The following GABBR2 variants were observed in gnomAD, a reference collection of about 807,000 sequenced individuals.
GABBR2 encodes the protein gamma-aminobutyric acid type B receptor subunit 2.
In GABBR2, 23 loss-of-function variants were observed where a neutral mutation model predicts 105.6. The ratio of observed to expected loss-of-function variants is 0.22; its 90% CI spans 0.16 to 0.31. The LOEUF (loss-of-function observed/expected upper bound fraction) is 0.31, where lower values mean the gene tolerates loss of function less well. GABBR2 is among the 10% of genes least tolerant of loss of function. GABBR2 has a pLI of 1.00. For missense variants in GABBR2, 734 were observed against 1,245.5 expected, an observed-to-expected ratio of 0.59 and a Z score of 6.18; for synonymous variants, 478 against 499.7, an observed-to-expected ratio of 0.96 and a Z score of 0.58.
chr9:98,610,416 A>AGC (rs1829489339), intron 1 of GABBR2, among the ~76,000 whole-genome samples: 2 of 152,214 alleles, frequency 1.3e-5, no homozygotes, highest in African/African-American at 4.8e-5. Context: ...GCCTGCAAAA[A>AGC]TATGCATCCA....
chr9:98,574,884 G>A (rs925762005), intron 2 of GABBR2, among the ~76,000 whole-genome samples: 4 of 152,152 alleles, frequency 2.6e-5, no homozygotes, highest in Non-Finnish European at 5.9e-5. Context: ...GGATTTCCCT[G>A]GGACCTCAGC....
At chr9:98,671,733 G>T (rs776323433) in intron 1 of GABBR2, among the ~76,000 whole-genome samples, 2 of 152,176 alleles carry the variant, frequency 1.3e-5, no homozygotes, top group Non-Finnish European at 2.9e-5. Context: ...GCATTTGCCT[G>T]ATCAAGGAAG....
intron 8 of GABBR2, among the ~76,000 whole-genome samples, chr9:98,401,004 G>A (rs974869238): frequency 2.6e-5 from 4 of 152,036 alleles, no homozygotes; most frequent in Non-Finnish European, 4.4e-5. Context: ...AAAGAAGCGC[G>A]ACTGCACTTT....
chr9:98,306,026 A>C lies in GABBR2; in HGVS notation c.2229+95T>G. 1.3e-6 allele frequency: 1 copy of C among 773,818 alleles called. No individual in the cohort carries two copies. 47.9% of individuals were successfully genotyped at this position (773,818 alleles called of 1,614,324 possible). Reference sequence around the variant, plus strand: ...TGTCTTCATCATAAAAAAAAAAAGGAATGGGTAAACCTTTTAGAGAATGGA... The same window carrying C: ...TGTCTTCATCATAAAAAAAAAAAGGCATGGGTAAACCTTTTAGAGAATGGA... On this transcript the variant is annotated intron_variant, in intron 15 of 18. Transcript: ENST00000259455. The surrounding 1 kb of genome is among the most constrained non-coding windows in gnomAD (Gnocchi z 5.4).
intron 18 of GABBR2, 53 bp from the exon 19 acceptor site, chr9:98,290,802 A>G (rs1387240615): frequency 1.3e-4 from 167 of 1,325,558 alleles, no homozygotes; most frequent in Non-Finnish European, 1.6e-4. Context: ...GGCGCTTACC[A>G]GAAAGTTCCT....
chr9:98,697,700 C>T (rs1830774820), intron 1 of GABBR2, among the ~76,000 whole-genome samples: 1 of 152,198 alleles, frequency 6.6e-6, no homozygotes, highest in Admixed American at 6.5e-5. Flanking sequence ...CATTTAGAAG[C>T]TCTCCAAGGG....
At chr9:98,415,231 C>T (rs775879321) in intron 7 of GABBR2, among the ~76,000 whole-genome samples, 10 of 151,896 alleles carry the variant, frequency 6.6e-5, no homozygotes, top group Non-Finnish European at 1.3e-4. Context: ...TACCTATATT[C>T]TATAATAAAT....
intron 4 of GABBR2, among the ~76,000 whole-genome samples, chr9:98,490,169 A>T (rs1827146924): frequency 6.6e-6 from 1 of 152,194 alleles, no homozygotes; most frequent in Admixed American, 6.5e-5. Context: ...GTTGTACAAC[A>T]CTGTGAATGT....
intron 6 of GABBR2, among the ~76,000 whole-genome samples, chr9:98,469,576 C>T (rs1826626029): frequency 1.3e-5 from 2 of 152,216 alleles, no homozygotes; most frequent in African/African-American, 4.8e-5. Flanking sequence ...GGACACCTGT[C>T]GTTGGTTTAG....
intron 2 of GABBR2, among the ~76,000 whole-genome samples, chr9:98,570,816 G>A (rs948191966): frequency 2.0e-5 from 3 of 152,222 alleles, no homozygotes; most frequent in African/African-American, 7.2e-5. Flanking sequence ...GGCTGTGTTA[G>A]GGCTCCCTCT....
At chr9:98,346,213 T>C (rs1428811186) in intron 13 of GABBR2, among the ~76,000 whole-genome samples, 1 of 152,240 alleles carries the variant, frequency 6.6e-6, no homozygotes, top group Non-Finnish European at 1.5e-5. Context: ...CATGCAATGC[T>C]GTTTGATAGC....
intron 13 of GABBR2, among the ~76,000 whole-genome samples, chr9:98,315,063 A>G (rs779031617): frequency 6.6e-6 from 1 of 152,138 alleles, no homozygotes; most frequent in Non-Finnish European, 1.5e-5. Flanking sequence ...TGTGCTGCTG[A>G]CATTCCAGCC....
At chr9:98,512,656 T>C (rs1224010627) in intron 3 of GABBR2, among the ~76,000 whole-genome samples, 1 of 152,128 alleles carries the variant, frequency 6.6e-6, no homozygotes, top group Non-Finnish European at 1.5e-5. Flanking sequence ...CCATTCACAA[T>C]TGCTTCAAAG....
chr9:98,683,944 C>T (rs1368068480), intron 1 of GABBR2, among the ~76,000 whole-genome samples: 1 of 140,504 alleles, frequency 7.1e-6, no homozygotes, highest in Non-Finnish European at 1.5e-5. Flanking sequence ...GGAGGCGGAG[C>T]TTGCAGTGAG....
chr9:98,633,222 T>C (rs754621953), intron 1 of GABBR2, among the ~76,000 whole-genome samples: 1 of 152,112 alleles, frequency 6.6e-6, no homozygotes. Flanking sequence ...AGAAGTGCTA[T>C]GAAAAACGTG....
intron 13 of GABBR2, among the ~76,000 whole-genome samples, chr9:98,350,955 T>C (rs995097839): frequency 6.6e-6 from 1 of 152,188 alleles, no homozygotes; most frequent in Non-Finnish European, 1.5e-5. Context: ...TTATATCTGC[T>C]TGATGAATCG....
intron 12 of GABBR2, among the ~76,000 whole-genome samples, chr9:98,368,731 C>T (rs116270542): frequency 0.02 from 3,094 of 152,282 alleles, 47 homozygotes; most frequent in African/African-American, 0.031. Flanking sequence ...TTCTTCCAAA[C>T]CAGGATGGAG....
chr9:98,663,570 A>G (rs1830295467), intron 1 of GABBR2, among the ~76,000 whole-genome samples: 1 of 151,908 alleles, frequency 6.6e-6, no homozygotes, highest in African/African-American at 2.4e-5. Context: ...ATAGATGGGC[A>G]GCCAACAAAG....
chr9:98,494,389 G>A (rs1827235417), intron 4 of GABBR2, among the ~76,000 whole-genome samples: 2 of 152,214 alleles, frequency 1.3e-5, no homozygotes, highest in Non-Finnish European at 2.9e-5. Flanking sequence ...GACTGCAAGA[G>A]GTACAAGAAG....
Sources: allele counts gnomAD v4.1 joint callset (sites outside exome capture counted in the v4.1 genomes callset), GRCh38; gene constraint gnomAD v4.1.1; non-coding constraint Gnocchi (gnomAD v3.1); transcripts MANE v1.5; gene names NCBI Gene and HGNC (gene_info 2026-07-23, HGNC 2026-07-21).